The following HS2ST1 variants were observed in gnomAD, a reference collection of about 807,000 sequenced individuals.
HS2ST1 encodes the protein heparan sulfate 2-O-sulfotransferase 1.
A neutral mutation model predicts 42.9 loss-of-function variants in HS2ST1; 18 were observed. The ratio of observed to expected loss-of-function variants is 0.42; its 90% CI spans 0.29 to 0.62. The LOEUF (loss-of-function observed/expected upper bound fraction) is 0.62. Among genes scored for constraint, HS2ST1 ranks in the 20% least tolerant of loss-of-function variants. The probability of loss-of-function intolerance (pLI) is 0.21; values close to 1 mark genes in which losing one functional copy is unlikely to be tolerated. For synonymous variants in HS2ST1, 146 were observed against 152.9 expected (o/e 0.95, Z 0.33); for missense variants, 334 against 433.8 (o/e 0.77, Z 2.04).
intron 1 of HS2ST1, among the ~76,000 whole-genome samples, chr1:86,922,380 A>G (rs1660318162): frequency 6.6e-6 from 1 of 150,390 alleles, no homozygotes; most frequent in Admixed American, 6.6e-5. Flanking sequence ...ATTTTTTAAA[A>G]ATTTGCTGAC....
At chr1:87,102,001 A>G (rs1187449732) in intron 5 of HS2ST1, among the ~76,000 whole-genome samples, 2 of 152,176 alleles carry the variant, frequency 1.3e-5, no homozygotes, top group East Asian at 1.9e-4. Context: ...CAGGCACATC[A>G]TATGGCAAGA....
At chr1:87,071,455 G>A (rs868847680) in intron 1 of HS2ST1, among the ~76,000 whole-genome samples, 3 of 152,188 alleles carry the variant, frequency 2.0e-5, no homozygotes, top group Non-Finnish European at 2.9e-5. Context: ...AGATAGCCGG[G>A]CGTAGGGGCT....
Position 87,007,834 on chromosome 1 carries a change from A to G in HS2ST1, c.125-65100A>G, listed in dbSNP as rs140503973. Among the ~76,000 whole-genome samples, 1,364 of 152,208 alleles carry G rather than the reference A, an allele frequency of 9.0e-3. 20 individuals carry two copies. Among genetic ancestry groups the G allele is most frequent in the African/African-American group, 0.032 (1,319 of 41,540 alleles). On this transcript the variant is annotated intron_variant, in intron 1 of 6. Transcript: ENST00000370550. ...AAATTCTCCTTGAAGTGCTGTGTTT[A>G]TTATTTTCTGTATATTCCTGTGCAT...
rs1660099646 is a variant in HS2ST1, at chr1:86,914,737, A to C, written c.-300A>C. 2.6e-6 allele frequency: 1 copy of C among 388,230 alleles called. No homozygotes were observed. The highest frequency in any genetic ancestry group is 4.7e-6 in the Non-Finnish European group (1 of 213,388). The allele number at this position is 388,230 out of a possible 1,614,324, so 24.0% of individuals were successfully genotyped here. The stretch of plus-strand genomic sequence containing the variant: ...AAGCAGGCGGGCGCGGGGGTCGGGG[A>C]CTGAGGCAGTAGAGGGAGGCGAGAG... On this transcript the variant is annotated 5_prime_UTR_variant, in exon 1 of 7. Transcript: ENST00000370550.
chr1:87,006,448 T>C (rs1029951814), intron 1 of HS2ST1, among the ~76,000 whole-genome samples: 9 of 152,152 alleles, frequency 5.9e-5, no homozygotes, highest in African/African-American at 2.2e-4. Flanking sequence ...AGGACTTGGT[T>C]TGCATATATA....
At chr1:86,988,922 G>A (rs1021280294) in intron 1 of HS2ST1, among the ~76,000 whole-genome samples, 3 of 152,218 alleles carry the variant, frequency 2.0e-5, no homozygotes, top group East Asian at 1.9e-4. Context: ...AATGCAGTGC[G>A]ATTGGAATAC....
chr1:87,076,097 C>T (rs953949140), intron 2 of HS2ST1, among the ~76,000 whole-genome samples: 1 of 150,260 alleles, frequency 6.7e-6, no homozygotes, highest in African/African-American at 2.5e-5. Context: ...CAAAAGTGTT[C>T]CCTACCAAAA....
At chr1:87,058,683 CT>C (rs1651038033) in intron 1 of HS2ST1, among the ~76,000 whole-genome samples, 1 of 151,580 alleles carries the variant, frequency 6.6e-6, no homozygotes, top group South Asian at 2.1e-4. Context: ...CTTTTTTCCC[CT>C]GTAATTCATA....
chr1:87,055,144 G>T (rs1021876224), intron 1 of HS2ST1, among the ~76,000 whole-genome samples: 7 of 152,072 alleles, frequency 4.6e-5, no homozygotes, highest in Admixed American at 4.6e-4. Context: ...GACCTGTTAG[G>T]CTTGGATATT....
chr1:86,984,184 C>T (rs1233120015), intron 1 of HS2ST1, among the ~76,000 whole-genome samples: 1 of 152,158 alleles, frequency 6.6e-6, no homozygotes, highest in Non-Finnish European at 1.5e-5. Context: ...CCAGGAGAGT[C>T]AGTTAATTTT....
intron 1 of HS2ST1, among the ~76,000 whole-genome samples, chr1:87,002,079 A>T: frequency 6.6e-6 from 1 of 151,936 alleles, no homozygotes; most frequent in South Asian, 2.1e-4. Flanking sequence ...AGCCTGGCTA[A>T]TGTTTTGTAT....
intron 3 of HS2ST1, among the ~76,000 whole-genome samples, chr1:87,084,824 C>T (rs1403073499): frequency 6.7e-6 from 1 of 149,476 alleles, no homozygotes; most frequent in Non-Finnish European, 1.5e-5. Context: ...CTCTTGCTCT[C>T]TCTCCCTCCC....
chr1:87,104,655 C>G lies in HS2ST1; in HGVS notation c.1030C>G (p.Gln344Glu), dbSNP rs1163865908. ...AGATGGAGACCTCTACATCCTCGCACAAAACTTTTTCTATGAAAAGATTTA... is the reference window on the plus strand; with the variant it reads ...AGATGGAGACCTCTACATCCTCGCAGAAAACTTTTTCTATGAAAAGATTTA... The part of the protein sequence containing the change: ...EKDGDLYILA[Q>E]NFFYEKIYPK... Residue 344 changes from glutamine (Q) to glutamate (E), a missense_variant, in exon 7 of 7, where the codon CAA becomes GAA. By Grantham distance (29) the Gln-to-Glu change is conservative. Transcript: ENST00000370550. The G allele has an allele frequency of 6.2e-7, 1 of 1,613,108 alleles. No homozygotes were observed. Among genetic ancestry groups the G allele is most frequent in the Non-Finnish European group, 8.5e-7 (1 of 1,179,250 alleles).
chr1:87,045,353 G>T, intron 1 of HS2ST1: 1 of 1,326,302 alleles, frequency 7.5e-7, no homozygotes, highest in Non-Finnish European at 1.1e-6. Flanking sequence ...GTGATTATTA[G>T]CTTCTGTCTC....
intron 1 of HS2ST1, chr1:87,045,905 C>T (rs894802322): frequency 1.4e-6 from 1 of 699,220 alleles, no homozygotes; most frequent in African/African-American, 1.7e-5. Flanking sequence ...CTTGTGCTCA[C>T]CGGCTTCTCC....
intron 1 of HS2ST1, among the ~76,000 whole-genome samples, chr1:86,952,275 T>C (rs1647540858): frequency 6.6e-6 from 1 of 152,210 alleles, no homozygotes; most frequent in African/African-American, 2.4e-5. Context: ...TCTCGCTGTG[T>C]TGCCCAGGCT....
At chr1:87,062,977 A>G (rs2100624937) in intron 1 of HS2ST1, among the ~76,000 whole-genome samples, 1 of 152,246 alleles carries the variant, frequency 6.6e-6, no homozygotes, top group South Asian at 2.1e-4. Flanking sequence ...ATATGTCTTG[A>G]CATGGATATC....
chr1:86,942,661 A>G (rs962590170), intron 1 of HS2ST1, among the ~76,000 whole-genome samples: 5 of 152,178 alleles, frequency 3.3e-5, no homozygotes, highest in African/African-American at 9.7e-5. Context: ...TGAAAAAGGT[A>G]TTGGGGTAGA....
At chr1:87,036,960 A>G (rs912623175) in intron 1 of HS2ST1, among the ~76,000 whole-genome samples, 32 of 152,186 alleles carry the variant, frequency 2.1e-4, no homozygotes, top group African/African-American at 7.0e-4. Flanking sequence ...ATTCACTTGC[A>G]TATATCACTA....
Sources: gnomAD v4.1 joint callset for allele counts (sites outside exome capture counted in the v4.1 genomes callset) on GRCh38, gnomAD v4.1.1 for gene constraint, MANE v1.5 for transcripts, NCBI Gene and HGNC (gene_info 2026-07-23, HGNC 2026-07-21) for gene names.